The following MIPEP variants were observed in gnomAD, a reference collection of about 807,000 sequenced individuals.
The protein encoded by MIPEP is mitochondrial intermediate peptidase.
A neutral mutation model predicts 90.3 loss-of-function variants in MIPEP; 79 were observed. That is an observed-to-expected ratio of 0.87 (90% CI 0.73 to 1.05). The LOEUF is 1.05. Among genes scored for constraint, MIPEP ranks in the 50% least tolerant of loss-of-function variants. MIPEP has a pLI of 0.00. For synonymous variants in MIPEP, 334 were observed against 315.8 expected, an observed-to-expected ratio of 1.06 and a Z score of -0.61; for missense variants, 940 against 905.6, an observed-to-expected ratio of 1.04 and a Z score of -0.49.
intron 15 of MIPEP, among the ~76,000 whole-genome samples, chr13:23,806,311 C>A (rs902513991): frequency 2.6e-5 from 4 of 152,066 alleles, no homozygotes; most frequent in African/African-American, 9.7e-5. Context: ...TGAACCATAC[C>A]CATAAGATAC....
chr13:23,841,022 T>A (rs143640375), intron 11 of MIPEP, among the ~76,000 whole-genome samples: 27 of 152,306 alleles, frequency 1.8e-4, no homozygotes, highest in Middle Eastern at 3.4e-3. Flanking sequence ...GACACACAGC[T>A]ATGAAGGTAT....
At chr13:23,885,124 A>G (rs1164207077) in intron 2 of MIPEP, among the ~76,000 whole-genome samples, 1 of 152,258 alleles carries the variant, frequency 6.6e-6, no homozygotes, top group Non-Finnish European at 1.5e-5. Context: ...TCAGCCATAA[A>G]AAAGAATGAG....
chr13:23,830,721 G>T (rs1313351102), intron 14 of MIPEP, among the ~76,000 whole-genome samples: 1 of 151,920 alleles, frequency 6.6e-6, no homozygotes, highest in Admixed American at 6.6e-5. Context: ...CCTTCAAATG[G>T]TATATGAAAG....
At chr13:23,830,973 T>C (rs1220210107) in intron 14 of MIPEP, among the ~76,000 whole-genome samples, 1 of 152,056 alleles carries the variant, frequency 6.6e-6, no homozygotes, top group African/African-American at 2.4e-5. Context: ...TGGCAGTTTC[T>C]GTAGGGGTGG....
At chr13:23,767,730 G>A (rs533121123) in intron 16 of MIPEP, among the ~76,000 whole-genome samples, 13 of 152,160 alleles carry the variant, frequency 8.5e-5, no homozygotes, top group South Asian at 4.2e-4. Context: ...GGGATTACAG[G>A]TGTGAGCCAC....
At chr13:23,882,319 GTTAAC>G (rs1851836645) in intron 2 of MIPEP, among the ~76,000 whole-genome samples, 1 of 151,496 alleles carries the variant, frequency 6.6e-6, no homozygotes, top group African/African-American at 2.4e-5. Flanking sequence ...GTTTTCACAT[GTTAAC>G]TTATCTCCAG....
At chr13:23,832,438 T>C (rs1225004713) in intron 14 of MIPEP, among the ~76,000 whole-genome samples, 1 of 151,978 alleles carries the variant, frequency 6.6e-6, no homozygotes, top group Non-Finnish European at 1.5e-5. Context: ...AGCTATTAAA[T>C]ATAAATAGGT....
At chr13:23,782,915 G>A (rs1291547631) in intron 16 of MIPEP, among the ~76,000 whole-genome samples, 1 of 152,162 alleles carries the variant, frequency 6.6e-6, no homozygotes, top group Non-Finnish European at 1.5e-5. Flanking sequence ...GGAAGAAGTT[G>A]AATCCCTGAA....
intron 18 of MIPEP, among the ~76,000 whole-genome samples, chr13:23,754,652 T>G (rs951608030): frequency 2.6e-5 from 4 of 152,306 alleles, no homozygotes; most frequent in African/African-American, 9.6e-5. Flanking sequence ...AGATTTACAT[T>G]TTTTTCTTTT....
chr13:23,734,986 A>T (rs1461069437), intron 18 of MIPEP, among the ~76,000 whole-genome samples: 1 of 152,208 alleles, frequency 6.6e-6, no homozygotes, highest in Non-Finnish European at 1.5e-5. Flanking sequence ...AAGTGGGTCC[A>T]CCCAAACATG....
At chr13:23,869,894 G>T in intron 6 of MIPEP, 119 bp downstream of exon 6, 1 of 636,106 alleles carries the variant, frequency 1.6e-6, no homozygotes, top group Non-Finnish European at 2.5e-6. Flanking sequence ...TAAATTTTTA[G>T]GGCTTAGTAA....
At chr13:23,747,888 A>G (rs1952401195) in intron 18 of MIPEP, among the ~76,000 whole-genome samples, 1 of 152,152 alleles carries the variant, frequency 6.6e-6, no homozygotes, top group Admixed American at 6.5e-5. Flanking sequence ...CTACCGGCGT[A>G]TGCCACCATG....
intron 16 of MIPEP, among the ~76,000 whole-genome samples, chr13:23,764,488 T>G (rs184831960): frequency 2.0e-5 from 3 of 152,338 alleles, no homozygotes; most frequent in Admixed American, 2.0e-4. Flanking sequence ...CAGGGGCTAG[T>G]GCAGAGCAAG....
At position 23,737,468 on chromosome 13, in the gene MIPEP, T is replaced by C. The variant is rs543447167; in HGVS notation, c.2045-7023A>G. Among the ~76,000 whole-genome samples the C allele has an allele frequency of 2.6e-5, 4 of 152,292 alleles. No individual in the cohort carries two copies. In the East Asian group the frequency reaches 7.7e-4, roughly 29 times the overall value. ...TGCCTGTGGTAACCCCTTCAAACAG[T>C]AGCCTTCACATATTTAAGGGGCTCC... On this transcript the variant is annotated intron_variant, in intron 18 of 18. Transcript: ENST00000382172.
intron 14 of MIPEP, among the ~76,000 whole-genome samples, chr13:23,810,291 A>G (rs9507165): frequency 2.0e-5 from 3 of 152,036 alleles, no homozygotes; most frequent in Non-Finnish European, 4.4e-5. Context: ...AAGTGCATAT[A>G]ATCACTGACA....
At chr13:23,861,018 G>C (rs1324033365) in intron 9 of MIPEP, among the ~76,000 whole-genome samples, 1 of 152,102 alleles carries the variant, frequency 6.6e-6, no homozygotes, top group African/African-American at 2.4e-5. Flanking sequence ...GATTCAGTGG[G>C]TCTGAGGTGG....
At chr13:23,876,338 A>G (rs944129627) in intron 4 of MIPEP, among the ~76,000 whole-genome samples, 3 of 152,144 alleles carry the variant, frequency 2.0e-5, no homozygotes, top group African/African-American at 7.2e-5. Context: ...TTTCCCTTAC[A>G]TCTCATATGA....
intron 16 of MIPEP, among the ~76,000 whole-genome samples, chr13:23,763,742 G>A (rs1224131931): frequency 3.9e-5 from 6 of 152,174 alleles, no homozygotes; most frequent in Non-Finnish European, 8.8e-5. Context: ...CCCCCTGCCT[G>A]AATCCAGGTC....
chr13:23,742,342 G>T (rs896743477), intron 18 of MIPEP, among the ~76,000 whole-genome samples: 14 of 152,144 alleles, frequency 9.2e-5, no homozygotes, highest in African/African-American at 3.1e-4. Flanking sequence ...GATTACCCTG[G>T]GTTAAACAAC....
Sources: allele counts gnomAD v4.1 joint callset (sites outside exome capture counted in the v4.1 genomes callset), GRCh38; gene constraint gnomAD v4.1.1; transcripts MANE v1.5; gene names NCBI Gene and HGNC (gene_info 2026-07-23, HGNC 2026-07-21).